The following PTK2 variants were observed in gnomAD, a reference collection of about 807,000 sequenced individuals.
PTK2 encodes focal adhesion kinase 1.
In PTK2, 45 loss-of-function variants were observed where a neutral mutation model predicts 150.1. The ratio of observed to expected loss-of-function variants is 0.30; its 90% CI spans 0.24 to 0.38. The LOEUF (loss-of-function observed/expected upper bound fraction) is 0.38. Among genes scored for constraint, PTK2 ranks in the 10% least tolerant of loss-of-function variants. PTK2 has a pLI of 1.00. For missense variants in PTK2, 919 were observed against 1,307.3 expected, an observed-to-expected ratio of 0.70 and a Z score of 4.58; for synonymous variants, 432 against 449.2, an observed-to-expected ratio of 0.96 and a Z score of 0.48.
intron 1 of PTK2, among the ~76,000 whole-genome samples, chr8:140,962,881 C>G (rs35772678): frequency 0.024 from 3,632 of 151,822 alleles, 70 homozygotes; most frequent in Non-Finnish European, 0.037. Context: ...GGTCCCCCCC[C>G]CCAACCCAAC....
chr8:140,899,873 T>C (rs1339776486), intron 2 of PTK2, among the ~76,000 whole-genome samples: 5 of 152,090 alleles, frequency 3.3e-5, no homozygotes, highest in Admixed American at 1.3e-4. Context: ...TCTCAATAGA[T>C]GAAGAAAAAG....
At position 140,668,261 on chromosome 8, in the gene PTK2, T is replaced by C; in HGVS notation, c.2865+8A>G. The C allele has an allele frequency of 6.2e-7, 1 of 1,614,054 alleles. No homozygotes were observed. On this transcript the variant is annotated splice_region_variant and intron_variant, in intron 30 of 31. Transcript: ENST00000522684. ...TTTTTGCCAGTACACAAAATGACTC[T>C]ATTTTACCTTCACCATAGGGACATA...
chr8:140,739,377 C>T (rs527901212), intron 20 of PTK2, among the ~76,000 whole-genome samples: 1 of 152,088 alleles, frequency 6.6e-6, no homozygotes, highest in East Asian at 1.9e-4. Flanking sequence ...CCTCGGTTTA[C>T]CAGGGGTTTA....
At chr8:140,815,039 G>A (rs1192345024) in intron 10 of PTK2, among the ~76,000 whole-genome samples, 2 of 152,092 alleles carry the variant, frequency 1.3e-5, no homozygotes, top group Non-Finnish European at 2.9e-5. Flanking sequence ...CTCCCAAAGT[G>A]CTGGGATTAC....
intron 10 of PTK2, among the ~76,000 whole-genome samples, chr8:140,808,149 A>T (rs977991156): frequency 6.6e-6 from 1 of 152,256 alleles, no homozygotes; most frequent in Non-Finnish European, 1.5e-5. Context: ...GAGAAACTAT[A>T]CATTTTTCTA....
At chr8:140,687,619 T>C (rs552893745) in intron 26 of PTK2, among the ~76,000 whole-genome samples, 31 of 152,320 alleles carry the variant, frequency 2.0e-4, no homozygotes, top group Middle Eastern at 3.4e-3. Context: ...GGGTGGGGGA[T>C]GGAGAAATGA....
At chr8:140,975,046 C>G (rs1426273105) in intron 1 of PTK2, among the ~76,000 whole-genome samples, 1 of 152,192 alleles carries the variant, frequency 6.6e-6, no homozygotes, top group Non-Finnish European at 1.5e-5. Flanking sequence ...TCCATTTCCT[C>G]AGTTGTGCCC....
At chr8:140,961,270 C>CTA (rs2100183078) in intron 1 of PTK2, among the ~76,000 whole-genome samples, 2 of 152,232 alleles carry the variant, frequency 1.3e-5, no homozygotes, top group African/African-American at 4.8e-5. Flanking sequence ...ATTACATTTG[C>CTA]TATTTCCAAG....
intron 13 of PTK2, among the ~76,000 whole-genome samples, chr8:140,789,858 C>T (rs2100087459): frequency 6.6e-6 from 1 of 151,848 alleles, no homozygotes; most frequent in African/African-American, 2.4e-5. Context: ...TAAAGGATTG[C>T]CCCTAAAGTT....
At position 140,990,564 on chromosome 8, in the gene PTK2, T is replaced by C. The variant is rs1280286205; in HGVS notation, c.-122+10561A>G. Reference sequence around the variant, plus strand: ...GCCAACAAATTGTCTCAAGAAGAAATTGTTCCAGGTCGATTTTCCCACCAT... The same window carrying C: ...GCCAACAAATTGTCTCAAGAAGAAACTGTTCCAGGTCGATTTTCCCACCAT... On this transcript the variant is annotated intron_variant, in intron 1 of 31. Coordinates refer to ENST00000522684, the Ensembl canonical transcript of PTK2. Among the ~76,000 whole-genome samples, 6 of 152,084 alleles carry C rather than the reference T, an allele frequency of 3.9e-5. 1 individual carries two copies. The highest frequency in any genetic ancestry group is 1.4e-4 in the African/African-American group (6 of 41,406).
chr8:141,000,086 T>TTC (rs1222215690), intron 1 of PTK2, among the ~76,000 whole-genome samples: 1 of 27,544 alleles, frequency 3.6e-5, no homozygotes, highest in African/African-American at 1.7e-4. Context: ...ATGAAACCAA[T>TTC]TCACACACAC....
At chr8:140,718,665 T>C (rs1305270853) in intron 22 of PTK2, 1 of 152,036 alleles carries the variant, frequency 6.6e-6, no homozygotes, top group East Asian at 1.9e-4. Flanking sequence ...CACCAGACTT[T>C]CTAATCTGGG....
chr8:140,762,691 T>C (rs1221349138), intron 15 of PTK2, among the ~76,000 whole-genome samples: 1 of 152,162 alleles, frequency 6.6e-6, no homozygotes, highest in Admixed American at 6.5e-5. Context: ...AAATAATAAA[T>C]ATACAAATAA....
Position 140,818,277 on chromosome 8 carries a change from A to G in PTK2, c.867T>C (p.Asn289=), listed in dbSNP as rs761072418. Reference sequence around the variant, plus strand: ...TCCCGAAAGGTCAGAGCAGACTTACATTGCAGCCCTTGTCCGTTAGGTAAC... The same window carrying G: ...TCCCGAAAGGTCAGAGCAGACTTACGTTGCAGCCCTTGTCCGTTAGGTAAC... The change falls in exon 10 of 32, where the codon AAT becomes AAC. Residue 289 remains asparagine (N), a splice_region_variant and synonymous_variant. Transcript: ENST00000522684. The G allele has an allele frequency of 5.6e-6, 9 of 1,612,014 alleles. No individual in the cohort carries two copies. In the Admixed American group the frequency reaches 6.7e-5, roughly 12 times the overall value.
intron 10 of PTK2, among the ~76,000 whole-genome samples, chr8:140,806,142 A>G (rs1476438271): frequency 6.6e-6 from 1 of 152,208 alleles, no homozygotes; most frequent in East Asian, 1.9e-4. Context: ...GTGTGTATTT[A>G]TGTCACTGAA....
intron 3 of PTK2, 163 bp downstream of exon 3, chr8:140,890,380 T>C (rs763888523): frequency 3.5e-6 from 2 of 578,932 alleles, no homozygotes; most frequent in Non-Finnish European, 5.9e-6. Context: ...CGCTGGTCAG[T>C]CACATATTAA....
chr8:140,761,461 A>T (rs1000101579), intron 15 of PTK2, among the ~76,000 whole-genome samples, 199 bp from the exon 19 acceptor site: 11 of 152,298 alleles, frequency 7.2e-5, no homozygotes, highest in African/African-American at 2.4e-4. Flanking sequence ...TATTAGAAGA[A>T]CTACTGAAAC....
At chr8:140,890,327 G>T in intron 3 of PTK2, 6 of 440,024 alleles carry the variant, frequency 1.4e-5, no homozygotes, top group Non-Finnish European at 2.0e-5. Flanking sequence ...ACTAAAATAT[G>T]ATTCAGTCAT....
chr8:140,903,813 T>C (rs967791298), intron 2 of PTK2, among the ~76,000 whole-genome samples: 1 of 152,186 alleles, frequency 6.6e-6, no homozygotes, highest in African/African-American at 2.4e-5. Context: ...TATTGGTGTA[T>C]AGGAATGCTT....
Sources: gnomAD v4.1 joint callset for allele counts (sites outside exome capture counted in the v4.1 genomes callset) on GRCh38, gnomAD v4.1.1 for gene constraint, MANE v1.5 for transcripts, NCBI Gene and HGNC (gene_info 2026-07-23, HGNC 2026-07-21) for gene names.